ETV5: variants seen among roughly 807,000 people sequenced by gnomAD.
ETV5 encodes the protein ETS variant transcription factor 5, also known as ETS translocation variant 5.
In ETV5, 10 loss-of-function variants were observed where a neutral mutation model predicts 70.0. The observed-to-expected ratio is 0.14, with a 90% confidence interval of 0.09 to 0.24. ETV5 has a LOEUF of 0.24. Among genes scored for constraint, ETV5 ranks in the 10% least tolerant of loss-of-function variants. The pLI is 1.00. For synonymous variants in ETV5, 216 were observed against 242.2 expected (o/e 0.89, Z 1.01); for missense variants, 453 against 651.2 (o/e 0.70, Z 3.31).
At chr3:186,082,709 G>A (rs766762546) in intron 5 of ETV5, among the ~76,000 whole-genome samples, 8 of 152,262 alleles carry the variant, frequency 5.3e-5, no homozygotes, top group South Asian at 2.1e-4. Context: ...GTGAGCCACC[G>A]CACTCGGCCT....
At chr3:186,085,218 C>G (rs999793958) in intron 5 of ETV5, among the ~76,000 whole-genome samples, 35 of 152,060 alleles carry the variant, frequency 2.3e-4, no homozygotes, top group African/African-American at 7.7e-4. Flanking sequence ...ATATTGGCTC[C>G]CAGAAGGAAT....
chr3:186,052,019 T>TA lies in ETV5; in HGVS notation c.1311+10dup, dbSNP rs1713045288. The TA allele has an allele frequency of 1.2e-6, 2 of 1,612,922 alleles. No homozygotes were observed. The highest frequency in any genetic ancestry group is 1.3e-5 in the African/African-American group (1 of 74,906). On this transcript the variant is annotated intron_variant, in intron 12 of 12. Coordinates refer to ENST00000306376, the MANE Select transcript of ETV5 (RefSeq NM_004454.3). The surrounding 1 kb of genome is among the most constrained non-coding windows in gnomAD (Gnocchi z 4.5). The stretch of plus-strand genomic sequence containing the variant: ...ACCAGAGTGGGCTAAGGGTCTTGTA[T>TA]AATGGCTCACCTTCTGCATGATGCC...
chr3:186,076,481 TGATA>T, intron 7 of ETV5: 1 of 183,902 alleles, frequency 5.4e-6, no homozygotes, highest in Non-Finnish European at 1.2e-5. Context: ...TGTGGACACC[TGATA>T]GATCGGCATA....
chr3:186,079,036 G>A (rs1713866692), intron 7 of ETV5: 7 of 1,064,544 alleles, frequency 6.6e-6, no homozygotes, highest in Non-Finnish European at 6.8e-6. Flanking sequence ...AAATACCATG[G>A]CCACCATCTT....
chr3:186,093,794 G>A (rs1031040032), intron 5 of ETV5, among the ~76,000 whole-genome samples: 8 of 152,200 alleles, frequency 5.3e-5, no homozygotes, highest in African/African-American at 1.4e-4. Flanking sequence ...GGTCCTCAAG[G>A]ACAGACAGGG....
At position 186,105,780 on chromosome 3, in the gene ETV5, T is replaced by C; in HGVS notation, c.45+44A>G. The C allele has an allele frequency of 6.2e-7, 1 of 1,610,850 alleles. No homozygotes were observed. The highest frequency in any genetic ancestry group is 8.5e-7 in the Non-Finnish European group (1 of 1,177,056). On this transcript the variant is annotated intron_variant, in intron 2 of 12. Transcript: ENST00000306376. This position sits in a 1 kb window ranked among gnomAD's most constrained non-coding sequence, Gnocchi z 4.5. ...GAGGTCCACAGGGGGAAGACTCATATTGGAGAGGGAGGACAAAACAAACCA... is the reference window on the plus strand; with the variant it reads ...GAGGTCCACAGGGGGAAGACTCATACTGGAGAGGGAGGACAAAACAAACCA...
chr3:186,051,493 A>G (rs1322244965), intron 12 of ETV5, among the ~76,000 whole-genome samples: 1 of 152,228 alleles, frequency 6.6e-6, no homozygotes, highest in Non-Finnish European at 1.5e-5. Flanking sequence ...ACAAAGAGCA[A>G]CCTGCTACCA....
intron 5 of ETV5, among the ~76,000 whole-genome samples, chr3:186,085,507 GTTT>G (rs550203729): frequency 1.6e-5 from 2 of 124,852 alleles, no homozygotes; most frequent in Non-Finnish European, 1.7e-5. Flanking sequence ...AGTAGCCTTC[GTTT>G]TTTTTTTTTT....
At chr3:186,102,875 C>T (rs1714494093) in intron 5 of ETV5, among the ~76,000 whole-genome samples, 1 of 152,170 alleles carries the variant, frequency 6.6e-6, no homozygotes, top group Admixed American at 6.5e-5. Context: ...CGGCTGTGGG[C>T]TCTGCCAGCT....
Position 186,075,663 on chromosome 3 carries a change from A to G in ETV5, c.650+4154T>C, listed in dbSNP as rs187330078. ...TTTCCTCCTTCAGAAGACACTACCC[A>G]GTTGACCTTTTCCTGATGACTCCAG... On this transcript the variant is annotated intron_variant, in intron 7 of 12. Transcript: ENST00000306376. 4.1e-3 allele frequency among the ~76,000 whole-genome samples: 617 copies of G among 152,304 alleles called. 6 individuals are homozygous for G. The highest frequency in any genetic ancestry group is 5.7e-3 in the Non-Finnish European group (391 of 68,018).
Position 186,080,049 on chromosome 3 carries a change from G to A in ETV5, c.418C>T (p.Pro140Ser), listed in dbSNP as rs971551407. 3.3e-6 allele frequency: 5 copies of A among 1,532,190 alleles called. No individual in the cohort carries two copies. The African/African-American group carries it at 5.7e-5, about 17-fold the overall frequency. 94.9% of individuals were successfully genotyped at this position (1,532,190 alleles called of 1,614,324 possible). Residue 140 changes from proline (P) to serine (S), a missense_variant, in exon 7 of 13, where the codon CCC (proline) becomes TCC (serine). Around this residue, in one of 4 missense-constraint regions of ETV5, gnomAD observed 307 missense variants for 344.9 expected, o/e 0.89. Coordinates refer to ENST00000306376, the MANE Select transcript of ETV5 (RefSeq NM_004454.3). ...GGATTCTGATGGGTGGGTGAGAGGG[G>A]GGTTGTAGGAGGGGTTAATGGCTTG... ...GFKPLTPPTT[P>S]LSPTHQNPLF...
At chr3:186,098,175 T>G (rs1714357393) in intron 5 of ETV5, among the ~76,000 whole-genome samples, 1 of 152,204 alleles carries the variant, frequency 6.6e-6, no homozygotes, top group South Asian at 2.1e-4. Flanking sequence ...CCGCTAGAAG[T>G]AAGGTCAGAA....
At chr3:186,063,031 G>C (rs182231028) in intron 9 of ETV5, among the ~76,000 whole-genome samples, 1 of 152,296 alleles carries the variant, frequency 6.6e-6, no homozygotes, top group African/African-American at 2.4e-5. Context: ...CAGCACTTTG[G>C]GAGGCCGAGG....
chr3:186,077,480 GATGCGTTTTA>G, intron 7 of ETV5, among the ~76,000 whole-genome samples: 1 of 152,272 alleles, frequency 6.6e-6, no homozygotes, highest in South Asian at 2.1e-4. Flanking sequence ...TCACGTTTTT[GATGCGTTTTA>G]TGTCACATAG....
At chr3:186,065,638 C>T (rs373204367) in intron 8 of ETV5, among the ~76,000 whole-genome samples, 175 bp downstream of exon 8, 11 of 152,222 alleles carry the variant, frequency 7.2e-5, no homozygotes, top group African/African-American at 1.9e-4. Flanking sequence ...TATTCCATTG[C>T]GCATAAACAT....
intron 7 of ETV5, among the ~76,000 whole-genome samples, chr3:186,067,153 C>T (rs1424923196): frequency 1.3e-5 from 2 of 151,960 alleles, no homozygotes; most frequent in Non-Finnish European, 2.9e-5. Context: ...AAAAATTGGC[C>T]CAGCACGGTG....
At position 186,105,914 on chromosome 3, in the gene ETV5, G is replaced by A. The variant is rs1171061217; in HGVS notation, c.-46C>T. ...TACCACTTTGAGAGGTTTCAGCATT[G>A]AGTAATTTCTGGGGGAAAAGGGATC... On this transcript the variant is annotated 5_prime_UTR_variant, in exon 2 of 13. Transcript: ENST00000306376. This position sits in a 1 kb window ranked among gnomAD's most constrained non-coding sequence, Gnocchi z 4.5. 6.2e-7 allele frequency: 1 copy of A among 1,606,638 alleles called. No homozygotes were observed. The highest frequency in any genetic ancestry group is 1.1e-5 in the South Asian group (1 of 89,718).
At chr3:186,108,181 C>A (rs1332397377) in intron 1 of ETV5, among the ~76,000 whole-genome samples, 1 of 150,252 alleles carries the variant, frequency 6.7e-6, no homozygotes, top group Non-Finnish European at 1.5e-5. Flanking sequence ...CGGTTCCCCC[C>A]CGAGTTTTCT....
intron 6 of ETV5, 157 bp downstream of exon 6, chr3:186,080,889 A>C: frequency 1.3e-6 from 1 of 798,318 alleles, no homozygotes; most frequent in Non-Finnish European, 1.9e-6. Context: ...TCCCAAGGGG[A>C]CTGGACTACA....
Sources: gnomAD v4.1 joint callset for allele counts (sites outside exome capture counted in the v4.1 genomes callset) on GRCh38, gnomAD v4.1.1 for gene constraint, gnomAD v4.1.1 regional missense constraint, Gnocchi (gnomAD v3.1) non-coding constraint, MANE v1.5 for transcripts, NCBI Gene and HGNC (gene_info 2026-07-23, HGNC 2026-07-21) for gene names.